DCAF13: variants seen among roughly 807,000 people sequenced by gnomAD.
The protein encoded by DCAF13 is DDB1 and CUL4 associated factor 13.
Under a neutral mutation model 59.0 loss-of-function variants are expected in DCAF13, and 38 were observed. The observed-to-expected ratio is 0.64, with a 90% confidence interval of 0.50 to 0.84. The LOEUF (loss-of-function observed/expected upper bound fraction) is 0.84. Ranked by LOEUF, DCAF13 falls within the 40% of genes least tolerant of loss-of-function variation. DCAF13 has a pLI of 0.00. For synonymous variants in DCAF13, 173 were observed against 175.0 expected, an observed-to-expected ratio of 0.99 and a Z score of 0.09; for missense variants, 469 against 558.4, an observed-to-expected ratio of 0.84 and a Z score of 1.61.
At chr8:103,423,976 G>A (rs762556235) in intron 3 of DCAF13, among the ~76,000 whole-genome samples, 2 of 151,848 alleles carry the variant, frequency 1.3e-5, no homozygotes, top group African/African-American at 2.4e-5. Flanking sequence ...GGGATTACAG[G>A]CATGAGTCAC....
chr8:103,415,571 C>T, intron 1 of DCAF13, 55 bp downstream of exon 1: 1 of 1,524,902 alleles, frequency 6.6e-7, no homozygotes, highest in Non-Finnish European at 8.8e-7. Context: ...TTGGGTCTAG[C>T]CTCGGCTTTC....
chr8:103,416,562 A>G (rs1286539973), intron 1 of DCAF13, among the ~76,000 whole-genome samples: 1 of 152,170 alleles, frequency 6.6e-6, no homozygotes, highest in Non-Finnish European at 1.5e-5. Context: ...TTTCTCTGGA[A>G]GACTTTCACC....
chr8:103,439,383 C>CTTTTTTTTTTTTTTTTTTTTTT (rs34676422), intron 8 of DCAF13: 1 of 85,790 alleles, frequency 1.2e-5, no homozygotes, highest in Non-Finnish European at 2.2e-5. Context: ...TTTAATTAAG[C>CTTTTTTTTTTTTTTTTTTTTTT]TTTTTTTTTT....
Position 103,435,792 on chromosome 8 carries a change from T to C in DCAF13, c.950+2T>C. 6.2e-7 allele frequency: 1 copy of C among 1,613,290 alleles called. No homozygotes were observed. Among genetic ancestry groups the C allele is most frequent in the Non-Finnish European group, 8.5e-7 (1 of 1,179,598 alleles). The stretch of plus-strand genomic sequence containing the variant: ...TCCTGTAGACAAAAGTCGAAGCAGG[T>C]ATGTGCCTACCAGTAAGCCATTTAT... On this transcript the variant is annotated splice_donor_variant, in intron 8 of 10. Transcript: ENST00000612750. LOFTEE classifies it high-confidence loss of function.
Position 103,441,441 on chromosome 8 carries a change from A to G in DCAF13, c.1087-14A>G. On this transcript the variant is annotated splice_polypyrimidine_tract_variant and intron_variant, in intron 9 of 10. Coordinates refer to ENST00000612750, the MANE Select transcript of DCAF13 (RefSeq NM_015420.7). ...ACACACTATTCATTAAGATACCAAAATGTGTATTTTCAGCTTACATCACGA... is the reference window on the plus strand; with the variant it reads ...ACACACTATTCATTAAGATACCAAAGTGTGTATTTTCAGCTTACATCACGA... 1 of 1,577,236 alleles carries G rather than the reference A, an allele frequency of 6.3e-7. No homozygotes were observed.
At chr8:103,428,491 G>C (rs1464768214) in intron 5 of DCAF13, 1 of 152,048 alleles carries the variant, frequency 6.6e-6, no homozygotes, top group African/African-American at 2.4e-5. Context: ...TACAGAAAAA[G>C]TTTTCTGATT....
At position 103,441,473 on chromosome 8, in the gene DCAF13, G is replaced by A; in HGVS notation, c.1105G>A (p.Ala369Thr). The A allele has an allele frequency of 4.4e-6, 7 of 1,584,504 alleles. No homozygotes were observed. Among genetic ancestry groups the A allele is most frequent in the Non-Finnish European group, 5.1e-6 (6 of 1,171,930 alleles). Residue 369 changes from alanine (A) to threonine (T), a missense_variant, in exon 10 of 11, where the codon GCA (alanine) becomes ACA (threonine). Transcript: ENST00000612750. ...KLGVLTSREK[A>T]AKDYNQKLKE... is the part of the protein sequence containing the mutation. ...TTTTCAGCTTACATCACGAGAAAAA[G>A]CAGCCAAGGATTATAACCAGAAATT...
intron 3 of DCAF13, among the ~76,000 whole-genome samples, chr8:103,423,911 C>T (rs975359581): frequency 1.3e-5 from 2 of 152,026 alleles, no homozygotes; most frequent in African/African-American, 4.8e-5. Context: ...CTACGTTGCC[C>T]AGGCCGATGT....
chr8:103,442,564 G>A, intron 10 of DCAF13: 1 of 316,098 alleles, frequency 3.2e-6, no homozygotes, highest in Non-Finnish European at 5.7e-6. Context: ...TATTAACTGT[G>A]GAAGGTTTTT....
At chr8:103,424,347 T>C (rs1816762468) in intron 3 of DCAF13, among the ~76,000 whole-genome samples, 1 of 152,230 alleles carries the variant, frequency 6.6e-6, no homozygotes, top group South Asian at 2.1e-4. Flanking sequence ...TTTTGAGTAA[T>C]GTGTGCTTTG....
chr8:103,422,451 C>T (rs1035484638), intron 3 of DCAF13, among the ~76,000 whole-genome samples: 1 of 152,114 alleles, frequency 6.6e-6, no homozygotes, highest in Non-Finnish European at 1.5e-5. Context: ...ATGCCCACCT[C>T]TGGGAAGTGG....
rs573510361 is a variant in DCAF13, at chr8:103,416,107, G to A, written c.70+591G>A. Among the ~76,000 whole-genome samples, 8 of 152,334 alleles carry A rather than the reference G, an allele frequency of 5.3e-5. No homozygotes were observed. In the East Asian group the frequency reaches 1.5e-3, roughly 29 times the overall value. On this transcript the variant is annotated intron_variant, in intron 1 of 10. Transcript: ENST00000612750. ...ACCTAAATGACAAGGGACCAACCAT[G>A]CGTAAGCAGATTGTTCTAAATAAAG...
intron 3 of DCAF13, among the ~76,000 whole-genome samples, chr8:103,422,795 G>A (rs1816738806): frequency 6.6e-6 from 1 of 152,144 alleles, no homozygotes; most frequent in Admixed American, 6.5e-5. Context: ...GTTGAGCTGA[G>A]TTATAAAATG....
At chr8:103,428,149 A>G (rs956016861) in intron 5 of DCAF13, 20 of 152,234 alleles carry the variant, frequency 1.3e-4, no homozygotes, top group Admixed American at 9.8e-4. Flanking sequence ...AATAGTTTGT[A>G]TGATATACTG....
chr8:103,419,183 C>G (rs1332997135), intron 1 of DCAF13, among the ~76,000 whole-genome samples: 2 of 151,968 alleles, frequency 1.3e-5, no homozygotes, highest in East Asian at 3.9e-4. Flanking sequence ...CACGCCCGGC[C>G]CTAAGCGTGA....
Position 103,426,709 on chromosome 8 carries a change from T to G in DCAF13, c.469-388T>G, listed in dbSNP as rs1372870332. On this transcript the variant is annotated intron_variant, in intron 4 of 10. Coordinates refer to ENST00000612750, the MANE Select transcript of DCAF13 (RefSeq NM_015420.7). ...TATATTAAGCAAACAATTCCAAAAT[T>G]AGATTTAATCTTTAAATTAAATCTA... Among the ~76,000 whole-genome samples, 4 of 152,306 alleles carry G rather than the reference T, an allele frequency of 2.6e-5. No individual in the cohort carries two copies. In the East Asian group the frequency reaches 7.7e-4, roughly 29 times the overall value.
intron 2 of DCAF13, chr8:103,420,738 A>G: frequency 1.7e-6 from 1 of 582,086 alleles, no homozygotes; most frequent in Non-Finnish European, 3.0e-6. Context: ...GTCAACACCT[A>G]ATTTCCTACT....
intron 6 of DCAF13, 141 bp downstream of exon 6, chr8:103,430,830 T>C: frequency 5.8e-6 from 3 of 518,148 alleles, no homozygotes; most frequent in Non-Finnish European, 6.6e-6. Flanking sequence ...CTCTACATGA[T>C]GATAGTCATG....
At chr8:103,416,503 A>G (rs137932701) in intron 1 of DCAF13, among the ~76,000 whole-genome samples, 8 of 152,222 alleles carry the variant, frequency 5.3e-5, no homozygotes, top group African/African-American at 1.9e-4. Flanking sequence ...CGTTTCAGTC[A>G]TCTTTTTTAA....
Sources: gnomAD v4.1 joint callset for allele counts (sites outside exome capture counted in the v4.1 genomes callset) on GRCh38, gnomAD v4.1.1 for gene constraint, MANE v1.5 for transcripts, NCBI Gene and HGNC (gene_info 2026-07-23, HGNC 2026-07-21) for gene names.